Variants in TCF12 observed in about 807,000 individuals in gnomAD.
The protein encoded by TCF12 is transcription factor 12.
TCF12 carries 45 observed loss-of-function variants against 86.0 expected under a neutral mutation model. That is an observed-to-expected ratio of 0.52 (90% CI 0.41 to 0.67). The LOEUF (loss-of-function observed/expected upper bound fraction) is 0.67. TCF12 is among the 30% of genes least tolerant of loss of function. The pLI, the probability that TCF12 is intolerant of heterozygous loss-of-function variation, is 0.00. For synonymous variants in TCF12, 330 were observed against 299.6 expected (o/e 1.10, Z -1.05); for missense variants, 881 against 859.9 (o/e 1.02, Z -0.31).
intron 3 of TCF12, among the ~76,000 whole-genome samples, chr15:56,955,016 A>G (rs1383652140): frequency 6.6e-6 from 1 of 152,250 alleles, no homozygotes. Flanking sequence ...ATCTAGAACT[A>G]GAAATACCGT....
chr15:57,081,099 C>G (rs1267387590), intron 4 of TCF12, among the ~76,000 whole-genome samples: 1 of 152,208 alleles, frequency 6.6e-6, no homozygotes, highest in African/African-American at 2.4e-5. Context: ...ACTGTCTCCA[C>G]TGTTGTGAGC....
chr15:57,199,641 A>C (rs1285986572), intron 8 of TCF12, among the ~76,000 whole-genome samples: 1 of 152,146 alleles, frequency 6.6e-6, no homozygotes, highest in Non-Finnish European at 1.5e-5. Flanking sequence ...CATTACTTGG[A>C]GGTAGTAGTT....
chr15:57,153,813 G>C (rs1402141976), intron 5 of TCF12, among the ~76,000 whole-genome samples: 2 of 151,910 alleles, frequency 1.3e-5, no homozygotes, highest in Admixed American at 6.6e-5. Flanking sequence ...CTTGAGGGCA[G>C]GAGTTCCAGA....
chr15:56,927,270 C>G (rs756241969), intron 3 of TCF12, among the ~76,000 whole-genome samples: 1 of 152,104 alleles, frequency 6.6e-6, no homozygotes, highest in East Asian at 1.9e-4. Context: ...AAAAGAAGAC[C>G]GTCTTTTTTC....
In TCF12 at chr15:57,060,443, A is replaced by G. The variant is rs1232380131; in HGVS notation, c.149-3307A>G. 3.9e-5 allele frequency among the ~76,000 whole-genome samples: 6 copies of G among 152,318 alleles called. No individual in the cohort carries two copies. In the South Asian group the frequency reaches 6.2e-4, roughly 16 times the overall value. On this transcript the variant is annotated intron_variant, in intron 3 of 20. Coordinates refer to ENST00000333725, the MANE Select transcript of TCF12 (RefSeq NM_207037.2). ...AGGTTAACAAGGAAAAAAATAATTT[A>G]CGTCTTTCTGTTATTGATCACCCCT...
chr15:57,186,668 A>G (rs1180857398), intron 6 of TCF12, among the ~76,000 whole-genome samples: 2 of 152,216 alleles, frequency 1.3e-5, no homozygotes, highest in Non-Finnish European at 2.9e-5. Context: ...GAAATTACAC[A>G]TGAATATCCT....
Position 57,263,125 on chromosome 15 carries a change from T to A in TCF12, c.1596T>A (p.Ser532Arg). 1 of 1,595,768 alleles carries A rather than the reference T, an allele frequency of 6.3e-7. No individual in the cohort carries two copies. The highest frequency in any genetic ancestry group is 8.5e-7 in the Non-Finnish European group (1 of 1,175,818). Residue 532 changes from serine to arginine, a missense_variant, in exon 18 of 21, where the codon AGT (serine) becomes AGA (arginine). Physicochemically the swap from Ser to Arg is moderately radical, Grantham distance 110. Coordinates refer to ENST00000333725, the MANE Select transcript of TCF12 (RefSeq NM_207037.2). ...TQENYRGGLQSQSGTVVTTEI... is the reference protein window; with the variant it reads ...TQENYRGGLQRQSGTVVTTEI... ...CCTCTTTGTTAGGTGGCTTGCAAAG[T>A]CAGTCTGGAACTGTTGTTACAACAG...
At chr15:57,219,905 T>C (rs1364952880) in intron 8 of TCF12, among the ~76,000 whole-genome samples, 1 of 151,988 alleles carries the variant, frequency 6.6e-6, no homozygotes, top group Non-Finnish European at 1.5e-5. Flanking sequence ...TTTGTATTTT[T>C]AGTAGAGACG....
chr15:57,249,116 A>G (rs1171581471), intron 13 of TCF12, among the ~76,000 whole-genome samples: 1 of 152,240 alleles, frequency 6.6e-6, no homozygotes, highest in African/African-American at 2.4e-5. Context: ...ATCGATTATG[A>G]TTAACCTGGT....
chr15:56,983,591 AAT>A (rs2062999625), intron 3 of TCF12, among the ~76,000 whole-genome samples: 1 of 152,132 alleles, frequency 6.6e-6, no homozygotes, highest in African/African-American at 2.4e-5. Flanking sequence ...CCTATAATCA[AAT>A]ATATCAGCAA....
chr15:57,137,808 C>G (rs780665465), intron 5 of TCF12, among the ~76,000 whole-genome samples: 86 of 152,250 alleles, frequency 5.6e-4, no homozygotes, highest in Admixed American at 1.3e-3. Flanking sequence ...GCTGGCGGAT[C>G]ACGAGATCAG....
At chr15:56,946,784 T>C (rs919056704) in intron 3 of TCF12, among the ~76,000 whole-genome samples, 2 of 149,824 alleles carry the variant, frequency 1.3e-5, no homozygotes, top group Non-Finnish European at 3.0e-5. Context: ...CTTTTGTGAG[T>C]GAGTCTAAAG....
chr15:57,244,905 A>G (rs1331344435), intron 13 of TCF12, among the ~76,000 whole-genome samples: 3 of 152,194 alleles, frequency 2.0e-5, no homozygotes, highest in Non-Finnish European at 4.4e-5. Context: ...ATATAAGTAT[A>G]TAAAAATGTT....
At chr15:57,124,924 C>T (rs1185414645) in intron 5 of TCF12, among the ~76,000 whole-genome samples, 3 of 152,040 alleles carry the variant, frequency 2.0e-5, no homozygotes, top group Non-Finnish European at 4.4e-5. Context: ...CGCCCGCCTC[C>T]ATCTCCCAAA....
intron 3 of TCF12, among the ~76,000 whole-genome samples, chr15:56,949,077 G>A (rs1021787345): frequency 1.1e-4 from 16 of 152,074 alleles, no homozygotes; most frequent in Middle Eastern, 3.2e-3. Context: ...CAAAACAGTT[G>A]TTAACTATAA....
At chr15:57,183,336 C>G (rs2056472290) in intron 6 of TCF12, among the ~76,000 whole-genome samples, 1 of 152,168 alleles carries the variant, frequency 6.6e-6, no homozygotes, top group South Asian at 2.1e-4. Context: ...CAAATGCACA[C>G]ACTTTTGCTA....
intron 4 of TCF12, among the ~76,000 whole-genome samples, chr15:57,080,160 A>G (rs2070499742): frequency 6.6e-6 from 1 of 152,344 alleles, no homozygotes; most frequent in East Asian, 1.9e-4. Context: ...TTTAGTTTTA[A>G]GAAGCTAATT....
chr15:56,961,693 G>A (rs1169507076), intron 3 of TCF12, among the ~76,000 whole-genome samples: 3 of 152,136 alleles, frequency 2.0e-5, no homozygotes, highest in African/African-American at 7.2e-5. Context: ...ATCTCATACA[G>A]CATGGTAAAA....
At chr15:57,145,943 A>G (rs2053328689) in intron 5 of TCF12, among the ~76,000 whole-genome samples, 1 of 152,222 alleles carries the variant, frequency 6.6e-6, no homozygotes, top group Non-Finnish European at 1.5e-5. Flanking sequence ...AGTTCAGATC[A>G]TCTGGTATGG....
Sources: allele counts gnomAD v4.1 joint callset (sites outside exome capture counted in the v4.1 genomes callset), GRCh38; gene constraint gnomAD v4.1.1; transcripts MANE v1.5; gene names NCBI Gene and HGNC (gene_info 2026-07-23, HGNC 2026-07-21).